Variants in MED16 observed in about 807,000 individuals in gnomAD.
The protein encoded by MED16 is mediator complex subunit 16.
A neutral mutation model predicts 84.4 loss-of-function variants in MED16; 81 were observed. That is an observed-to-expected ratio of 0.96 (90% CI 0.80 to 1.15). The LOEUF (loss-of-function observed/expected upper bound fraction) is 1.15. Ranked by LOEUF, MED16 falls within the 50% of genes most tolerant of loss-of-function variation. The pLI, the probability that MED16 is intolerant of heterozygous loss-of-function variation, is 0.00. For synonymous variants in MED16, 897 were observed against 552.2 expected (o/e 1.62, Z -8.76); for missense variants, 1,585 against 1,245.9 (o/e 1.27, Z -4.10).
chr19:868,795 G>C (rs1215947996), intron 14 of MED16, 68 bp downstream of exon 14: 1 of 1,483,562 alleles, frequency 6.7e-7, no homozygotes, highest in Admixed American at 2.0e-5. Context: ...GCTGGGTGGG[G>C]GCTAGAATCA....
chr19:880,739 G>A (rs977805665), intron 7 of MED16, among the ~76,000 whole-genome samples: 6 of 152,034 alleles, frequency 3.9e-5, no homozygotes, highest in Non-Finnish European at 5.9e-5. Context: ...GGGCAACACC[G>A]GTGAAACCCC....
intron 13 of MED16, among the ~76,000 whole-genome samples, 195 bp from the exon 14 acceptor site, chr19:869,141 C>T (rs974477598): frequency 6.6e-6 from 1 of 152,100 alleles, no homozygotes; most frequent in Non-Finnish European, 1.5e-5. Flanking sequence ...GGGGCGGGAC[C>T]CCCCACACGG....
intron 7 of MED16, 88 bp downstream of exon 7, chr19:881,471 G>T: frequency 6.8e-7 from 1 of 1,459,936 alleles, no homozygotes; most frequent in South Asian, 1.3e-5. Flanking sequence ...TCTGGTGTGA[G>T]CTCCCACGAC....
chr19:870,966 T>C, intron 13 of MED16, 71 bp downstream of exon 13: 1 of 1,416,066 alleles, frequency 7.1e-7, no homozygotes, highest in Non-Finnish European at 9.5e-7. Context: ...GCCGTGTGGA[T>C]TCGGGGGTCC....
chr19:879,044 C>T (rs1410593077), intron 8 of MED16, among the ~76,000 whole-genome samples: 3 of 149,574 alleles, frequency 2.0e-5, no homozygotes, highest in Non-Finnish European at 3.0e-5. Context: ...CTCACCTTCC[C>T]CCGGTTGTCA....
intron 11 of MED16, among the ~76,000 whole-genome samples, chr19:872,720 G>A (rs1489373464): frequency 1.3e-5 from 2 of 151,798 alleles, no homozygotes. Context: ...AGGTGGAGGT[G>A]TGGATGGAGA....
chr19:890,367 G>A (rs1462372888), intron 2 of MED16, 123 bp from the exon 3 acceptor site: 3 of 640,940 alleles, frequency 4.7e-6, no homozygotes, highest in Non-Finnish European at 2.6e-6. Context: ...CAGAACTGCT[G>A]TCAGCCGAGT....
intron 8 of MED16, among the ~76,000 whole-genome samples, chr19:879,598 C>T (rs1468971123): frequency 7.3e-6 from 1 of 136,236 alleles, no homozygotes; most frequent in Non-Finnish European, 1.6e-5. Context: ...CTCACCTTCC[C>T]GTGGTTGTCA....
In MED16 at chr19:875,228, G is replaced by T; in HGVS notation, c.1771+16C>A. ...TGAAAGAAACCTCGAGGCCCCGGGCGTGGAAAAGGACCCACCGACGTCGGT... is the reference window on the plus strand; with the variant it reads ...TGAAAGAAACCTCGAGGCCCCGGGCTTGGAAAAGGACCCACCGACGTCGGT... On this transcript the variant is annotated intron_variant, in intron 10 of 15. Coordinates refer to ENST00000325464, the MANE Select transcript of MED16 (RefSeq NM_005481.3). 6.4e-7 allele frequency: 1 copy of T among 1,559,182 alleles called. No individual in the cohort carries two copies. Among genetic ancestry groups the T allele is most frequent in the Admixed American group, 1.9e-5 (1 of 53,194 alleles).
chr19:881,329 T>G (rs1056803727), intron 7 of MED16, among the ~76,000 whole-genome samples: 11 of 152,138 alleles, frequency 7.2e-5, no homozygotes, highest in African/African-American at 2.7e-4. Context: ...CTTTACATAT[T>G]AAAGAACACT....
chr19:877,416 G>A (rs941658430), intron 8 of MED16, among the ~76,000 whole-genome samples: 2 of 152,110 alleles, frequency 1.3e-5, no homozygotes, highest in African/African-American at 2.4e-5. Flanking sequence ...ACTGGATGCC[G>A]AGCCAGGCTT....
intron 5 of MED16, among the ~76,000 whole-genome samples, 173 bp downstream of exon 5, chr19:885,597 A>C (rs2036509241): frequency 6.6e-6 from 1 of 152,066 alleles, no homozygotes; most frequent in African/African-American, 2.4e-5. Context: ...GCGCCTCCAG[A>C]TGCTGGGAAA....
At chr19:874,218 A>G (rs1316823553) in intron 10 of MED16, among the ~76,000 whole-genome samples, 1 of 151,870 alleles carries the variant, frequency 6.6e-6, no homozygotes, top group Admixed American at 6.6e-5. Context: ...GGTTCACGCC[A>G]TTCTCCTGCC....
At chr19:874,005 G>C (rs1218053781) in intron 10 of MED16, among the ~76,000 whole-genome samples, 1 of 152,212 alleles carries the variant, frequency 6.6e-6, no homozygotes. Flanking sequence ...ATGCCTCTCG[G>C]ATGGTGACTA....
chr19:882,627 T>C (rs986946385), intron 6 of MED16, among the ~76,000 whole-genome samples: 3 of 152,142 alleles, frequency 2.0e-5, no homozygotes, highest in African/African-American at 4.8e-5. Flanking sequence ...TGCTGGAGCA[T>C]GTGCGGCCAG....
At chr19:871,615 G>T in intron 12 of MED16, 1 of 1,595,784 alleles carries the variant, frequency 6.3e-7, no homozygotes, top group Non-Finnish European at 8.5e-7. Flanking sequence ...CCTGGAAGTG[G>T]CTGCCATCCC....
At chr19:879,726 C>T in intron 8 of MED16, among the ~76,000 whole-genome samples, 2 of 151,320 alleles carry the variant, frequency 1.3e-5, no homozygotes, top group South Asian at 4.2e-4. Context: ...TGTCAATGCC[C>T]AGCAGCTCGC....
rs1297237706 is a variant in MED16 at position 871,754 on chromosome 19, AGGGAGAGGGGAGCG to A, written c.2098+158_2098+171del. ...GCTCAGGCAGGACTTGTGTTTTGGT[AGGGAGAGGGGAGCG>A]GGGAGAGGGGAGAGGGGAGAGCGGG... On this transcript the variant is annotated intron_variant, in intron 12 of 15. Transcript: ENST00000325464. 813 of 331,974 alleles carry A rather than the reference AGGGAGAGGGGAGCG, an allele frequency of 2.4e-3. 13 individuals are homozygous for A. The African/African-American group carries it at 0.035, about 14-fold the overall frequency. The allele number at this position is 331,974 out of a possible 1,614,324, so 20.6% of individuals were successfully genotyped here.
chr19:874,383 A>T (rs902669838), intron 10 of MED16, among the ~76,000 whole-genome samples: 1 of 152,164 alleles, frequency 6.6e-6, no homozygotes, highest in African/African-American at 2.4e-5. Flanking sequence ...AAGTGCTGGG[A>T]TTACACACGA....
Sources: allele counts gnomAD v4.1 joint callset (sites outside exome capture counted in the v4.1 genomes callset), GRCh38; gene constraint gnomAD v4.1.1; transcripts MANE v1.5; gene names NCBI Gene and HGNC (gene_info 2026-07-23, HGNC 2026-07-21).